The following CPZ variants were observed in gnomAD, a reference collection of about 807,000 sequenced individuals.
The protein encoded by CPZ is VEZT/CPZ fusion.
CPZ carries 103 observed loss-of-function variants against 61.8 expected under a neutral mutation model. The ratio of observed to expected loss-of-function variants is 1.67; its 90% CI spans 1.42 to 1.96. The LOEUF (loss-of-function observed/expected upper bound fraction) is 1.96, where lower values mean the gene tolerates loss of function less well. Among genes scored for constraint, CPZ ranks in the 30% most tolerant of loss-of-function variants. The pLI is 0.00. For synonymous variants in CPZ, 551 were observed against 373.7 expected, an observed-to-expected ratio of 1.47 and a Z score of -5.47; for missense variants, 1,461 against 914.9, an observed-to-expected ratio of 1.60 and a Z score of -7.70.
In CPZ at chr4:8,606,851, G is replaced by A. The variant is rs559753840; in HGVS notation, c.1021G>A (p.Ala341Thr). 5 of 1,613,378 alleles carry A rather than the reference G, an allele frequency of 3.1e-6. No individual in the cohort carries two copies. Among genetic ancestry groups the A allele is most frequent in the Non-Finnish European group, 4.2e-6 (5 of 1,179,854 alleles). ...CTACCGGCTGGCGGAGACCCGCGGC[G>A]CACGCAGCGACCACATCCCCATCCC... ...EYYRLAETRG[A>T]RSDHIPIPQH... Residue 341 changes from alanine to threonine, a missense_variant, in exon 6 of 11, where the codon GCA becomes ACA. Coordinates refer to ENST00000360986, the MANE Select transcript of CPZ (RefSeq NM_001014447.3).
chr4:8,614,644 C>T lies in CPZ; in HGVS notation c.1503+146C>T, dbSNP rs916383870. 8.5e-6 allele frequency: 7 copies of T among 822,748 alleles called. No homozygotes were observed. In the East Asian group the frequency reaches 1.1e-4, roughly 13 times the overall value. The allele number at this position is 822,748 out of a possible 1,614,324, so 51.0% of individuals were successfully genotyped here. Reference sequence around the variant, plus strand: ...ACCACTTGTTTTGGGGTTAACTGTCCACCATGCACAACTTGAGATACAGTA... The same window carrying T: ...ACCACTTGTTTTGGGGTTAACTGTCTACCATGCACAACTTGAGATACAGTA... On this transcript the variant is annotated intron_variant, in intron 9 of 10. Coordinates refer to ENST00000360986, the MANE Select transcript of CPZ (RefSeq NM_001014447.3).
chr4:8,606,301 C>T lies in CPZ; in HGVS notation c.906+116C>T, dbSNP rs538562112. 6.7e-6 allele frequency: 7 copies of T among 1,050,176 alleles called. No homozygotes were observed. The East Asian group carries it at 1.8e-4, about 27-fold the overall frequency. 65.1% of individuals were successfully genotyped at this position (1,050,176 alleles called of 1,614,324 possible). ...CGTTCCTGCCTCTCTAGGAGAGGAG[C>T]ATTCAGCAGGTGTCGATACTGGCAA... On this transcript the variant is annotated intron_variant, in intron 5 of 10. Coordinates refer to ENST00000360986, the MANE Select transcript of CPZ (RefSeq NM_001014447.3).
chr4:8,596,985 C>T (rs1714226445), intron 1 of CPZ, among the ~76,000 whole-genome samples: 1 of 152,232 alleles, frequency 6.6e-6, no homozygotes, highest in African/African-American at 2.4e-5. Flanking sequence ...AGCTCAGGGC[C>T]AGGCCACGCT....
chr4:8,601,058 ATGTC>A (rs1183037780), intron 2 of CPZ, 61 bp from the exon 3 acceptor site: 18 of 1,503,446 alleles, frequency 1.2e-5, no homozygotes, highest in Non-Finnish European at 1.6e-5. Context: ...CCCTACGTAA[ATGTC>A]TGATGCGTGA....
At position 8,607,317 on chromosome 4, in the gene CPZ, T is replaced by C; in HGVS notation, c.1119T>C (p.Phe373=). Residue 373 remains phenylalanine, a synonymous_variant, in exon 7 of 11, where the codon TTT becomes TTC. Transcript: ENST00000360986. ...AIMKWMQTIP[F]VLSASLHGGD... is the part of the protein sequence containing the mutation. ...TGAAGTGGATGCAGACCATACCCTT[T>C]GTGCTCTCAGCCAGCCTTCATGGGG... The C allele has an allele frequency of 1.2e-6, 2 of 1,614,098 alleles. No homozygotes were observed. The highest frequency in any genetic ancestry group is 2.2e-5 in the East Asian group (1 of 44,878).
At chr4:8,617,481 T>G (rs1577131040) in intron 9 of CPZ, among the ~76,000 whole-genome samples, 1 of 152,196 alleles carries the variant, frequency 6.6e-6, no homozygotes, top group African/African-American at 2.4e-5. Flanking sequence ...TATAAAGTAT[T>G]TAAAATTATA....
intron 9 of CPZ, 36 bp downstream of exon 9, chr4:8,614,534 G>C (rs762186072): frequency 1.9e-6 from 3 of 1,602,696 alleles, no homozygotes; most frequent in Non-Finnish European, 2.6e-6. Context: ...TGGTCCAGCT[G>C]TGGCCTGGGT....
intron 8 of CPZ, among the ~76,000 whole-genome samples, chr4:8,612,515 G>A (rs6852449): frequency 0.057 from 8,626 of 152,242 alleles, 485 homozygotes; most frequent in African/African-American, 0.13. Context: ...CAGAGAGACC[G>A]TGAGGAATTG....
intron 4 of CPZ, among the ~76,000 whole-genome samples, chr4:8,605,700 TAC>T (rs1367969711): frequency 6.9e-6 from 1 of 145,558 alleles, no homozygotes; most frequent in Non-Finnish European, 1.5e-5. Flanking sequence ...TTTGACTTAT[TAC>T]ACAAACATGA....
intron 9 of CPZ, among the ~76,000 whole-genome samples, chr4:8,616,281 G>A (rs929869039): frequency 8.5e-5 from 13 of 152,158 alleles, no homozygotes; most frequent in African/African-American, 1.9e-4. Flanking sequence ...CACCTGGGGC[G>A]AGGGGAGGGG....
intron 8 of CPZ, among the ~76,000 whole-genome samples, chr4:8,613,254 C>T (rs980019218): frequency 4.6e-5 from 7 of 152,036 alleles, no homozygotes; most frequent in African/African-American, 1.5e-4. Context: ...GCCTCAGCCT[C>T]CCGAGTAGCT....
intron 7 of CPZ, among the ~76,000 whole-genome samples, chr4:8,609,359 A>C (rs1028278285): frequency 6.7e-6 from 1 of 149,352 alleles, no homozygotes; most frequent in African/African-American, 2.4e-5. Flanking sequence ...TCATTCATTC[A>C]CTCACAAACT....
chr4:8,602,233 G>C (rs927456816), intron 3 of CPZ: 1 of 152,394 alleles, frequency 6.6e-6, no homozygotes, highest in African/African-American at 2.4e-5. Flanking sequence ...GGAGTCCCCT[G>C]TGTCTGTTGT....
rs895790212 is a variant in CPZ, at chr4:8,619,474, G to A, written c.1816G>A (p.Gly606Ser). Residue 606 changes from glycine (G) to serine (S), a missense_variant, in exon 11 of 11, where the codon GGT becomes AGT. Physicochemically the swap from Gly to Ser is moderately conservative, Grantham distance 56. Coordinates refer to ENST00000360986, the MANE Select transcript of CPZ (RefSeq NM_001014447.3). ...RRTGPHDPLGGASSLGEATEP... is the reference protein window; with the variant it reads ...RRTGPHDPLGSASSLGEATEP... The stretch of plus-strand genomic sequence containing the variant: ...GACTGGGCCCCACGACCCACTGGGA[G>A]GTGCCAGCTCTTTGGGGGAGGCCAC... 2.5e-6 allele frequency: 4 copies of A among 1,610,144 alleles called. No individual in the cohort carries two copies. Among genetic ancestry groups the A allele is most frequent in the Admixed American group, 1.7e-5 (1 of 59,736 alleles).
In CPZ at chr4:8,619,420, C is replaced by T. The variant is rs1716490246; in HGVS notation, c.1762C>T (p.Pro588Ser). 4 of 1,614,064 alleles carry T rather than the reference C, an allele frequency of 2.5e-6. No individual in the cohort carries two copies. The highest frequency in any genetic ancestry group is 3.4e-6 in the Non-Finnish European group (4 of 1,179,962). ...DFILQPLGMG[P>S]KNFIHGLRRT... ...CATTCTGCAACCTCTGGGGATGGGA[C>T]CCAAGAACTTTATTCATGGGCTGCG... Residue 588 changes from proline to serine, a missense_variant, in exon 11 of 11, where the codon CCC becomes TCC. Physicochemically the swap from Pro to Ser is moderately conservative, Grantham distance 74. Coordinates refer to ENST00000360986, the MANE Select transcript of CPZ (RefSeq NM_001014447.3).
intron 3 of CPZ, among the ~76,000 whole-genome samples, chr4:8,601,816 AG>A (rs1228554231): frequency 1.8e-4 from 27 of 152,272 alleles, no homozygotes; most frequent in African/African-American, 6.3e-4. Flanking sequence ...TGCAGTGAGC[AG>A]GCCTCGTGTG....
chr4:8,593,384 G>A (rs939209460), intron 1 of CPZ, among the ~76,000 whole-genome samples: 2 of 152,220 alleles, frequency 1.3e-5, no homozygotes, highest in Admixed American at 1.3e-4. Flanking sequence ...GCAAGTCTCC[G>A]GAAGTGGCCC....
At chr4:8,609,822 A>C (rs1168062156) in intron 7 of CPZ, among the ~76,000 whole-genome samples, 2 of 152,216 alleles carry the variant, frequency 1.3e-5, no homozygotes, top group East Asian at 3.8e-4. Flanking sequence ...TGTGGCCGGC[A>C]GTGATCTCTG....
intron 1 of CPZ, among the ~76,000 whole-genome samples, chr4:8,593,650 G>A (rs1272805741): frequency 2.0e-5 from 3 of 152,170 alleles, no homozygotes; most frequent in Non-Finnish European, 4.4e-5. Context: ...GGCTCCTGCG[G>A]GAGTGGGGCC....
Sources: allele counts gnomAD v4.1 joint callset (sites outside exome capture counted in the v4.1 genomes callset), GRCh38; gene constraint gnomAD v4.1.1; transcripts MANE v1.5; gene names NCBI Gene and HGNC (gene_info 2026-07-23, HGNC 2026-07-21).